Variants in MRAP2 observed in about 807,000 individuals in gnomAD.
The protein encoded by MRAP2 is melanocortin 2 receptor accessory protein 2.
MRAP2 carries 20 observed loss-of-function variants against 17.4 expected under a neutral mutation model. The observed-to-expected ratio is 1.15, with a 90% CI of 0.81 to 1.67. The LOEUF is 1.67. MRAP2 is among the 40% of genes most tolerant of loss of function. MRAP2 has a pLI of 0.00. For missense variants in MRAP2, 238 were observed against 240.0 expected, an observed-to-expected ratio of 0.99 and a Z score of 0.05; for synonymous variants, 96 against 88.4, an observed-to-expected ratio of 1.09 and a Z score of -0.48.
chr6:84,141,942 A>G, the MRAP2 span, among the ~76,000 whole-genome samples: 2 of 152,290 alleles, frequency 1.3e-5, no homozygotes, highest in Middle Eastern at 3.4e-3. Context: ...ATGCCCTAAA[A>G]TGCCTTCTTG....
At chr6:84,116,741 A>T in the MRAP2 span, among the ~76,000 whole-genome samples, 2 of 152,206 alleles carry the variant, frequency 1.3e-5, no homozygotes, top group Admixed American at 1.3e-4. Flanking sequence ...ATCTATTGAA[A>T]TAATCATGTG....
intron 1 of MRAP2, among the ~76,000 whole-genome samples, chr6:84,038,022 G>C (rs1279809120): frequency 6.6e-6 from 1 of 152,224 alleles, no homozygotes; most frequent in Non-Finnish European, 1.5e-5. Context: ...GAGTTGAGCT[G>C]TCCATGTGCT....
chr6:84,119,080 G>C, the MRAP2 span, among the ~76,000 whole-genome samples: 2 of 152,058 alleles, frequency 1.3e-5, no homozygotes, highest in East Asian at 3.9e-4. Context: ...TTTGATTACT[G>C]TACTTTTGTA....
chr6:84,065,142 G>C (rs371362695), intron 3 of MRAP2, among the ~76,000 whole-genome samples: 3 of 151,976 alleles, frequency 2.0e-5, no homozygotes, highest in Non-Finnish European at 2.9e-5. Context: ...AAAATCAGCC[G>C]GGCATGGTGG....
intron 3 of MRAP2, chr6:84,063,398 G>A: frequency 1.0e-6 from 1 of 985,366 alleles, no homozygotes; most frequent in Non-Finnish European, 1.2e-6. Context: ...ATTATTTCAA[G>A]AAGCAGAGTA....
chr6:84,097,505 GAAACATGTT>G, the MRAP2 span, among the ~76,000 whole-genome samples: 2 of 151,988 alleles, frequency 1.3e-5, no homozygotes, highest in African/African-American at 2.4e-5. Flanking sequence ...TCCAGAACTG[GAAACATGTT>G]ATTTATTCAG....
chr6:84,143,553 ATGAC>A, the MRAP2 span, among the ~76,000 whole-genome samples: 1 of 152,014 alleles, frequency 6.6e-6, no homozygotes, highest in African/African-American at 2.4e-5. Context: ...CTAAAGTAGA[ATGAC>A]AGACTGTTTT....
chr6:84,099,181 CTTT>C, the MRAP2 span, among the ~76,000 whole-genome samples: 18 of 117,370 alleles, frequency 1.5e-4, no homozygotes, highest in Admixed American at 2.5e-4. Context: ...AGATCCTTTT[CTTT>C]TTTTTTTTTT....
chr6:84,037,578 G>A (rs759208315), intron 1 of MRAP2, among the ~76,000 whole-genome samples: 22 of 152,170 alleles, frequency 1.4e-4, no homozygotes. Flanking sequence ...ACCACGGGGT[G>A]GGGGGCTGGG....
chr6:84,059,346 A>T (rs960523757), intron 2 of MRAP2, among the ~76,000 whole-genome samples: 11 of 152,344 alleles, frequency 7.2e-5, no homozygotes, highest in Non-Finnish European at 1.6e-4. Context: ...AAGTGTGGGA[A>T]CATCACTGTT....
the MRAP2 span, among the ~76,000 whole-genome samples, chr6:84,122,964 T>C: frequency 2.0e-5 from 3 of 151,300 alleles, no homozygotes; most frequent in Admixed American, 6.6e-5. Context: ...AATTAAGAAC[T>C]CAATCCCATT....
rs2099501606 is a variant in MRAP2, at chr6:84,090,645, G to C, written c.*1164G>C. ...ATCTGGCTTTGAGCTGAGATGGTCAGTGGGTTGTAAATTCCCCACTAGCAG... is the reference window on the plus strand; with the variant it reads ...ATCTGGCTTTGAGCTGAGATGGTCACTGGGTTGTAAATTCCCCACTAGCAG... On this transcript the variant is annotated 3_prime_UTR_variant, in exon 4 of 4. Coordinates refer to ENST00000257776, the MANE Select transcript of MRAP2 (RefSeq NM_138409.4). 6.6e-6 allele frequency: 1 copy of C among 152,212 alleles called. No homozygotes were observed. Among genetic ancestry groups the C allele is most frequent in the Non-Finnish European group, 1.5e-5 (1 of 68,036 alleles). The allele number at this position is 152,212 out of a possible 1,614,324, so 9.4% of individuals were successfully genotyped here. A position where few individuals can be genotyped will look rare whatever the true frequency, so the allele number is the denominator to read the frequency against.
rs749275955 is a variant in MRAP2 at position 84,072,365 on chromosome 6, C to G, written c.227+9373C>G. 3.3e-5 allele frequency among the ~76,000 whole-genome samples: 5 copies of G among 152,214 alleles called. 1 individual carries two copies. The highest frequency in any genetic ancestry group is 6.5e-5 in the Admixed American group (1 of 15,290). On this transcript the variant is annotated intron_variant, in intron 3 of 3. Coordinates refer to ENST00000257776, the MANE Select transcript of MRAP2 (RefSeq NM_138409.4). Reference sequence around the variant, plus strand: ...CCCTCTTCTGGGTCTAGCCACCCAGCAAGTCTACCTGGCTCTGGGCTGGTA... The same window carrying G: ...CCCTCTTCTGGGTCTAGCCACCCAGGAAGTCTACCTGGCTCTGGGCTGGTA...
intron 1 of MRAP2, among the ~76,000 whole-genome samples, chr6:84,039,599 C>T (rs1388431805): frequency 6.6e-6 from 1 of 152,142 alleles, no homozygotes; most frequent in Admixed American, 6.5e-5. Context: ...AATTGTTGCT[C>T]GTGTTTCTGT....
chr6:84,099,676 A>G, the MRAP2 span, among the ~76,000 whole-genome samples: 1 of 152,106 alleles, frequency 6.6e-6, no homozygotes, highest in Non-Finnish European at 1.5e-5. Flanking sequence ...CTTCTCCATG[A>G]GTGAAAGCTC....
rs886534028 is a variant in MRAP2 at position 84,045,459 on chromosome 6, G to GA, written c.-7-9842dup. ...CCCTTCATTGAAAATGAAGAAGCCT[G>GA]AAAAAAAAAAATATACACACAGGCT... On this transcript the variant is annotated intron_variant, in intron 1 of 3. Coordinates refer to ENST00000257776, the MANE Select transcript of MRAP2 (RefSeq NM_138409.4). Among the ~76,000 whole-genome samples the GA allele has an allele frequency of 1.2e-3, 173 of 147,270 alleles. 1 individual carries two copies. The highest frequency in any genetic ancestry group is 1.6e-3 in the East Asian group (8 of 5,078).
intron 3 of MRAP2, among the ~76,000 whole-genome samples, chr6:84,078,703 T>G (rs545057271): frequency 6.6e-6 from 1 of 152,180 alleles, no homozygotes; most frequent in African/African-American, 2.4e-5. Context: ...AATGGATTAG[T>G]TCCCTCAAGA....
At chr6:84,041,314 C>G (rs1408606617) in intron 1 of MRAP2, among the ~76,000 whole-genome samples, 5 of 152,250 alleles carry the variant, frequency 3.3e-5, no homozygotes, top group Non-Finnish European at 5.9e-5. Flanking sequence ...GATGTCCAGC[C>G]AGAAGTGTGC....
the MRAP2 span, chr6:84,125,351 A>T: frequency 7.6e-7 from 1 of 1,310,016 alleles, no homozygotes; most frequent in Non-Finnish European, 1.1e-6. Flanking sequence ...ATCTTAAAGT[A>T]GGCAAACCTG....
Sources: allele counts gnomAD v4.1 joint callset (sites outside exome capture counted in the v4.1 genomes callset), GRCh38; gene constraint gnomAD v4.1.1; transcripts MANE v1.5; gene names NCBI Gene and HGNC (gene_info 2026-07-23, HGNC 2026-07-21).